The following JCAD variants were observed in gnomAD, a reference collection of about 807,000 sequenced individuals.
JCAD encodes the protein junctional cadherin 5-associated protein.
In JCAD, 40 loss-of-function variants were observed where a neutral mutation model predicts 98.0. The ratio of observed to expected loss-of-function variants is 0.41; its 90% CI spans 0.32 to 0.53. The LOEUF (loss-of-function observed/expected upper bound fraction) is 0.53. Ranked by LOEUF, JCAD falls within the 20% of genes least tolerant of loss-of-function variation. The pLI, the probability that JCAD is intolerant of heterozygous loss-of-function variation, is 0.31. For synonymous variants in JCAD, 691 were observed against 682.3 expected, an observed-to-expected ratio of 1.01 and a Z score of -0.20; for missense variants, 1,705 against 1,738.1, an observed-to-expected ratio of 0.98 and a Z score of 0.34.
In JCAD at chr10:30,028,298, G is replaced by A. The variant is rs749221379; in HGVS notation, c.1850C>T (p.Pro617Leu). Residue 617 changes from proline to leucine, a missense_variant, in exon 3 of 4, where the codon CCG becomes CTG. Pro to Leu is a moderately conservative substitution (Grantham distance 98). Coordinates refer to ENST00000375377, the MANE Select transcript of JCAD (RefSeq NM_020848.4). ...ADQKNGSDKS[P>L]ALQEQSLLSM... ...CAGCAGACTCTGTTCTTGCAGAGCC[G>A]GGCTCTTATCAGACCCATTCTTTTG... is the stretch of plus-strand genomic sequence containing the variant. 9.9e-6 allele frequency: 16 copies of A among 1,614,086 alleles called. No individual in the cohort carries two copies. The highest frequency in any genetic ancestry group is 6.7e-5 in the African/African-American group (5 of 74,928).
At chr10:30,087,812 G>T (rs560145172) in intron 1 of JCAD, among the ~76,000 whole-genome samples, 1 of 152,206 alleles carries the variant, frequency 6.6e-6, no homozygotes, top group Non-Finnish European at 1.5e-5. Flanking sequence ...GTCTAGCATG[G>T]TATCTGAAAC....
At chr10:30,033,507 C>T (rs1279207800) in intron 2 of JCAD, among the ~76,000 whole-genome samples, 2 of 152,186 alleles carry the variant, frequency 1.3e-5, no homozygotes, top group African/African-American at 4.8e-5. Context: ...AGAGGAGAGC[C>T]GGTCTTGCTG....
At chr10:30,050,314 C>CAAAAAAAAAAAAAAAAAAA in intron 1 of JCAD, among the ~76,000 whole-genome samples, 1 of 41,728 alleles carries the variant, frequency 2.4e-5, no homozygotes, top group Non-Finnish European at 5.3e-5. Flanking sequence ...GACCCTGTCT[C>CAAAAAAAAAAAAAAAAAAA]AAAAAAAAAA....
rs184240073 is a variant in JCAD at position 30,084,759 on chromosome 10, C to T, written n.129-14938G>A. Among the ~76,000 whole-genome samples the T allele has an allele frequency of 1.6e-4, 24 of 152,122 alleles. No homozygotes were observed. The East Asian group carries it at 4.1e-3, about 26-fold the overall frequency. On this transcript the variant is annotated intron_variant and non_coding_transcript_variant, in intron 1 of 2. Transcript: ENST00000465712. ...TTGTCAGCCTCCATAATGGCATGAGCCAATTTCTTATAATCAAATCTGTAT... is the reference window on the plus strand; with the variant it reads ...TTGTCAGCCTCCATAATGGCATGAGTCAATTTCTTATAATCAAATCTGTAT...
chr10:30,103,381 A>C (rs777982348), intron 1 of JCAD, among the ~76,000 whole-genome samples: 2 of 152,222 alleles, frequency 1.3e-5, no homozygotes, highest in Non-Finnish European at 1.5e-5. Context: ...TAGAATTATC[A>C]TATGATCCGG....
intron 2 of JCAD, among the ~76,000 whole-genome samples, chr10:30,031,511 G>A (rs138456078): frequency 0.047 from 6,761 of 144,758 alleles, 207 homozygotes; most frequent in Non-Finnish European, 0.069. Flanking sequence ...GCACAATCTC[G>A]GCTCATTGCC....
intron 1 of JCAD, among the ~76,000 whole-genome samples, chr10:30,091,182 A>C (rs1179903192): frequency 6.6e-6 from 1 of 152,196 alleles, no homozygotes; most frequent in Admixed American, 6.5e-5. Context: ...GCTAAGAAAA[A>C]ATTTTTTGAA....
chr10:30,102,867 A>G (rs1366651489), intron 1 of JCAD, among the ~76,000 whole-genome samples: 2 of 152,210 alleles, frequency 1.3e-5, no homozygotes, highest in African/African-American at 4.8e-5. Flanking sequence ...CACGTCTTAC[A>G]TGGCAGCAGG....
At chr10:30,032,750 G>C (rs1253186876) in intron 2 of JCAD, among the ~76,000 whole-genome samples, 3 of 152,164 alleles carry the variant, frequency 2.0e-5, no homozygotes, top group African/African-American at 7.2e-5. Context: ...TGAACAGCCT[G>C]GGTATTCTAC....
rs760747782 is a variant in JCAD at position 30,064,674 on chromosome 10, T to C, written n.250+5026A>G. ...ACCAAAAAAACCCCACGTTCTCTCTTTTTTTTTTTTCTTTTGAGATGGAGT... is the reference window on the plus strand; with the variant it reads ...ACCAAAAAAACCCCACGTTCTCTCTCTTTTTTTTTTCTTTTGAGATGGAGT... On this transcript the variant is annotated intron_variant and non_coding_transcript_variant, in intron 2 of 2. Coordinates refer to the JCAD transcript ENST00000465712. Among the ~76,000 whole-genome samples the C allele has an allele frequency of 1.8e-4, 26 of 146,836 alleles. 1 individual carries two copies. The highest frequency in any genetic ancestry group is 4.0e-4 in the Admixed American group (6 of 14,850).
At chr10:30,047,243 A>G (rs567236549) in intron 2 of JCAD, among the ~76,000 whole-genome samples, 3 of 152,244 alleles carry the variant, frequency 2.0e-5, no homozygotes, top group Non-Finnish European at 4.4e-5. Flanking sequence ...GTGGTGGCAC[A>G]TGCCTGTAAT....
In JCAD at chr10:30,029,490, C is replaced by G; in HGVS notation, c.658G>C (p.Val220Leu). Residue 220 changes from valine (V) to leucine (L), a missense_variant, in exon 3 of 4, where the codon GTG (valine) becomes CTG (leucine). Coordinates refer to ENST00000375377, the MANE Select transcript of JCAD (RefSeq NM_020848.4). ...DLYPFIQGEH[V>L]LNSQNKGKSR... is the part of the protein sequence containing the mutation. ...TTCCCTTTGTTTTGAGAATTCAACA[C>G]ATGTTCTCCTTGAATGAATGGGTAC... 1.2e-6 allele frequency: 2 copies of G among 1,614,212 alleles called. No individual in the cohort carries two copies. The highest frequency in any genetic ancestry group is 2.2e-5 in the South Asian group (2 of 91,082).
chr10:30,113,711 C>A (rs1254477927), intron 1 of JCAD, among the ~76,000 whole-genome samples: 1 of 152,040 alleles, frequency 6.6e-6, no homozygotes, highest in African/African-American at 2.4e-5. Context: ...CCTAGCACTT[C>A]CTTTTTACCT....
chr10:30,062,686 T>A (rs966575044), upstream of JCAD, among the ~76,000 whole-genome samples: 1 of 152,106 alleles, frequency 6.6e-6, no homozygotes, highest in African/African-American at 2.4e-5. Flanking sequence ...GCGCCTTACG[T>A]GGCAGCAGGC....
chr10:30,102,389 T>G (rs1838487587), intron 1 of JCAD, among the ~76,000 whole-genome samples: 2 of 152,244 alleles, frequency 1.3e-5, no homozygotes, highest in South Asian at 4.1e-4. Context: ...CGGCCTGGTC[T>G]CAAACTCCTG....
chr10:30,106,703 G>T lies in JCAD; in HGVS notation n.128+8664C>A, dbSNP rs1317925013. Among the ~76,000 whole-genome samples the T allele has an allele frequency of 4.6e-5, 7 of 152,160 alleles. 1 individual carries two copies. The East Asian group carries it at 1.3e-3, about 29-fold the overall frequency. ...TTTAGTAGAGACAGAGTTTCACCAT[G>T]TTGGCCAGGCTGGTCTTGAACTCCT... On this transcript the variant is annotated intron_variant and non_coding_transcript_variant, in intron 1 of 2. Transcript: ENST00000465712.
intron 3 of JCAD, among the ~76,000 whole-genome samples, chr10:30,022,905 A>G (rs1216793135): frequency 6.6e-6 from 1 of 152,220 alleles, no homozygotes; most frequent in Non-Finnish European, 1.5e-5. Flanking sequence ...AGGCCTTCAC[A>G]TTCGGTCACC....
In JCAD at chr10:30,028,345, A is replaced by C; in HGVS notation, c.1803T>G (p.Asn601Lys). The change falls in exon 3 of 4, where the codon AAT becomes AAG. Residue 601 changes from asparagine (N) to lysine (K), a missense_variant. Coordinates refer to ENST00000375377, the MANE Select transcript of JCAD (RefSeq NM_020848.4). ...TTTGATCAGCACTGGGCTTTAAGTC[A>C]TTGTTGTCCATATCTCTATCTGGCA... Reference protein sequence around the residue: ...SHLPDRDMDNNDLKPSADQKN... With the variant: ...SHLPDRDMDNKDLKPSADQKN... 1 of 1,614,148 alleles carries C rather than the reference A, an allele frequency of 6.2e-7. No homozygotes were observed. The highest frequency in any genetic ancestry group is 1.7e-5 in the Admixed American group (1 of 60,020).
rs201422216 is a variant in JCAD at position 30,047,658 on chromosome 10, G to A, written c.155C>T (p.Ala52Val). ...GLQNGHEDGPAALAHRKTSAG... is the reference protein window; with the variant it reads ...GLQNGHEDGPVALAHRKTSAG... Reference sequence around the variant, plus strand: ...GGACGTCTTACGATGTGCGAGGGCCGCAGGGCCATCCTCATGCCCGTTCTG... The same window carrying A: ...GGACGTCTTACGATGTGCGAGGGCCACAGGGCCATCCTCATGCCCGTTCTG... The change falls in exon 2 of 4, where the codon GCG becomes GTG. Residue 52 changes from alanine (A) to valine (V), a missense_variant. This residue lies in a region of JCAD where 152 missense variants were observed against 148.0 expected (regional missense o/e 1.03). Transcript: ENST00000375377. The A allele has an allele frequency of 5.2e-5, 84 of 1,614,188 alleles. No homozygotes were observed. Among genetic ancestry groups the A allele is most frequent in the African/African-American group, 2.5e-4 (19 of 75,070 alleles).
Sources: gnomAD v4.1 joint callset for allele counts (sites outside exome capture counted in the v4.1 genomes callset) on GRCh38, gnomAD v4.1.1 for gene constraint, gnomAD v4.1.1 regional missense constraint, MANE v1.5 for transcripts, NCBI Gene and HGNC (gene_info 2026-07-23, HGNC 2026-07-21) for gene names.